Variants in MBD5 observed in about 807,000 individuals in gnomAD.
MBD5 encodes the protein methyl-CpG binding domain protein 5, also known as methyl-CpG-binding domain protein 5.
A neutral mutation model predicts 117.3 loss-of-function variants in MBD5; 13 were observed. The observed-to-expected ratio is 0.11, with a 90% confidence interval of 0.07 to 0.18. MBD5 has a LOEUF of 0.18. Among genes scored for constraint, MBD5 ranks in the 10% least tolerant of loss-of-function variants. MBD5 has a pLI of 1.00. For synonymous variants in MBD5, 727 were observed against 766.4 expected, an observed-to-expected ratio of 0.95 and a Z score of 0.85; for missense variants, 1,879 against 2,093.8, an observed-to-expected ratio of 0.90 and a Z score of 2.00.
chr2:148,069,308 A>G (rs963849624), intron 1 of MBD5, among the ~76,000 whole-genome samples: 4 of 152,114 alleles, frequency 2.6e-5, no homozygotes, highest in East Asian at 1.9e-4. Context: ...TTTTCACTTG[A>G]TCCATCTTGA....
intron 1 of MBD5, among the ~76,000 whole-genome samples, chr2:148,049,251 C>A (rs535574685): frequency 4.6e-5 from 7 of 152,248 alleles, no homozygotes; most frequent in Non-Finnish European, 8.8e-5. Flanking sequence ...AGCTAGAAAT[C>A]TTGTGGCAAG....
chr2:148,271,897 C>G (rs991041745), intron 3 of MBD5, among the ~76,000 whole-genome samples: 2 of 152,160 alleles, frequency 1.3e-5, no homozygotes, highest in African/African-American at 2.4e-5. Flanking sequence ...ACTTATTTCT[C>G]CTGTCCAGCT....
At chr2:148,283,631 A>G (rs375722013) in intron 3 of MBD5, among the ~76,000 whole-genome samples, 131 of 152,240 alleles carry the variant, frequency 8.6e-4, no homozygotes, top group African/African-American at 3.1e-3. Context: ...TCCTTCACCG[A>G]TGGCCCTATT....
intron 3 of MBD5, among the ~76,000 whole-genome samples, chr2:148,271,629 G>T (rs1700988999): frequency 1.3e-5 from 2 of 152,108 alleles, no homozygotes; most frequent in Admixed American, 1.3e-4. Context: ...ATTTCCGTCG[G>T]TATGCTATTG....
chr2:148,355,963 T>C (rs542727051), intron 4 of MBD5, among the ~76,000 whole-genome samples: 20 of 152,310 alleles, frequency 1.3e-4, no homozygotes, highest in African/African-American at 4.8e-4. Flanking sequence ...TATGGAATGT[T>C]TTTCCATTTG....
intron 8 of MBD5, among the ~76,000 whole-genome samples, chr2:148,477,264 T>C (rs938356175): frequency 6.6e-6 from 1 of 152,092 alleles, no homozygotes; most frequent in Non-Finnish European, 1.5e-5. Context: ...TCTTTTCTCC[T>C]CCCCATCCTC....
intron 1 of MBD5, among the ~76,000 whole-genome samples, chr2:148,073,354 G>T (rs1036554023): frequency 6.6e-6 from 1 of 152,042 alleles, no homozygotes; most frequent in Non-Finnish European, 1.5e-5. Context: ...GGAGTTATGC[G>T]GTGGGGATAT....
At chr2:148,323,744 C>T (rs1359690342) in intron 3 of MBD5, among the ~76,000 whole-genome samples, 1 of 151,928 alleles carries the variant, frequency 6.6e-6, no homozygotes. Flanking sequence ...GGATATTAGC[C>T]CTTTGTCAGA....
intron 4 of MBD5, among the ~76,000 whole-genome samples, chr2:148,391,184 T>A (rs1704560654): frequency 6.6e-6 from 1 of 152,164 alleles, no homozygotes; most frequent in African/African-American, 2.4e-5. Flanking sequence ...TTTAATCAAG[T>A]CGTATTTCAG....
chr2:148,257,664 G>C (rs965386304), intron 3 of MBD5, among the ~76,000 whole-genome samples: 11 of 152,118 alleles, frequency 7.2e-5, no homozygotes, highest in African/African-American at 1.9e-4. Context: ...GGAATAGGTG[G>C]ACCCATTCTG....
chr2:148,193,070 T>C (rs1016414666), intron 2 of MBD5, among the ~76,000 whole-genome samples: 1 of 111,170 alleles, frequency 9.0e-6, no homozygotes, highest in Non-Finnish European at 1.9e-5. Context: ...AAGGACCTCT[T>C]CAAGGAGAAC....
chr2:148,452,132 G>A (rs889670335), intron 4 of MBD5, among the ~76,000 whole-genome samples: 1 of 152,096 alleles, frequency 6.6e-6, no homozygotes, highest in Non-Finnish European at 1.5e-5. Context: ...TATTCAAAAA[G>A]ATTTATGAAG....
At chr2:148,427,472 A>C (rs1245445930) in intron 4 of MBD5, among the ~76,000 whole-genome samples, 1 of 152,204 alleles carries the variant, frequency 6.6e-6, no homozygotes, top group Non-Finnish European at 1.5e-5. Flanking sequence ...AAAAATGATG[A>C]GTTCATGTCC....
intron 1 of MBD5, among the ~76,000 whole-genome samples, chr2:148,110,810 G>T (rs746900117): frequency 4.6e-5 from 7 of 151,128 alleles, no homozygotes; most frequent in Non-Finnish European, 8.9e-5. Flanking sequence ...TATTGTTTTA[G>T]TTCTACCCTG....
chr2:148,217,800 C>T (rs1168738419), intron 2 of MBD5, among the ~76,000 whole-genome samples: 1 of 152,094 alleles, frequency 6.6e-6, no homozygotes, highest in Non-Finnish European at 1.5e-5. Context: ...TAGTCTGCCA[C>T]TAATTTATTT....
intron 7 of MBD5, among the ~76,000 whole-genome samples, chr2:148,467,461 T>C (rs1216546686): frequency 2.0e-5 from 3 of 152,092 alleles, no homozygotes; most frequent in African/African-American, 7.2e-5. Context: ...TTTTAGCACT[T>C]CAACTAAATT....
chr2:148,161,280 A>G (rs960490709), intron 1 of MBD5, among the ~76,000 whole-genome samples: 1 of 152,162 alleles, frequency 6.6e-6, no homozygotes, highest in Non-Finnish European at 1.5e-5. Context: ...TGGGACATTG[A>G]GCAAAGTGAA....
intron 1 of MBD5, among the ~76,000 whole-genome samples, chr2:148,078,736 A>G (rs1695570158): frequency 6.6e-6 from 1 of 152,196 alleles, no homozygotes; most frequent in African/African-American, 2.4e-5. Flanking sequence ...TGATATCTAC[A>G]TTACAAATAA....
At chr2:148,283,928 C>T (rs967092741) in intron 3 of MBD5, among the ~76,000 whole-genome samples, 1 of 152,170 alleles carries the variant, frequency 6.6e-6, no homozygotes, top group African/African-American at 2.4e-5. Context: ...CACTGAGTAT[C>T]CTGCTTTTTA....
Sources: allele counts gnomAD v4.1 joint callset (sites outside exome capture counted in the v4.1 genomes callset), GRCh38; gene constraint gnomAD v4.1.1; transcripts MANE v1.5; gene names NCBI Gene and HGNC (gene_info 2026-07-23, HGNC 2026-07-21).